ATP8B4: variants seen among roughly 807,000 people sequenced by gnomAD.
ATP8B4 encodes ATPase phospholipid transporting 8B4 (putative).
ATP8B4 carries 133 observed loss-of-function variants against 145.6 expected under a neutral mutation model. The ratio of observed to expected loss-of-function variants is 0.91; its 90% CI spans 0.79 to 1.05. The LOEUF (loss-of-function observed/expected upper bound fraction) is 1.05. Among genes scored for constraint, ATP8B4 ranks in the 50% least tolerant of loss-of-function variants. ATP8B4 has a pLI of 0.00. For synonymous variants in ATP8B4, 507 were observed against 492.9 expected (o/e 1.03, Z -0.38); for missense variants, 1,458 against 1,425.2 (o/e 1.02, Z -0.37).
intron 14 of ATP8B4, among the ~76,000 whole-genome samples, chr15:49,956,071 T>C (rs918971997): frequency 6.6e-5 from 10 of 152,146 alleles, no homozygotes; most frequent in Admixed American, 2.6e-4. Flanking sequence ...AAAGATTCAA[T>C]AGTAAATATG....
chr15:49,968,164 C>A (rs1045615234), intron 13 of ATP8B4, among the ~76,000 whole-genome samples: 3 of 152,172 alleles, frequency 2.0e-5, no homozygotes, highest in African/African-American at 7.2e-5. Context: ...CCAGCCACTG[C>A]AAAAACATAC....
chr15:50,130,484 A>C (rs1422294553), intron 1 of ATP8B4, among the ~76,000 whole-genome samples: 2 of 152,172 alleles, frequency 1.3e-5, no homozygotes, highest in Admixed American at 6.5e-5. Flanking sequence ...CATCTAAAAA[A>C]TAAGAGTCTT....
At chr15:50,180,544 G>A (rs1343449382) in intron 1 of ATP8B4, among the ~76,000 whole-genome samples, 1 of 152,208 alleles carries the variant, frequency 6.6e-6, no homozygotes, top group Non-Finnish European at 1.5e-5. Flanking sequence ...TGGGTAGACA[G>A]TAGCTGTTCA....
upstream of ATP8B4, among the ~76,000 whole-genome samples, chr15:50,123,944 A>G (rs1273040475): frequency 6.6e-6 from 1 of 152,130 alleles, no homozygotes; most frequent in Non-Finnish European, 1.5e-5. Context: ...AGATAATTCA[A>G]AGTTTTAGTA....
chr15:49,990,871 GT>G (rs570629931), intron 9 of ATP8B4, among the ~76,000 whole-genome samples: 8 of 152,136 alleles, frequency 5.3e-5, no homozygotes, highest in African/African-American at 1.2e-4. Flanking sequence ...CTAGCCAAGA[GT>G]TTTTTTAGCG....
chr15:49,968,753 T>A (rs1282439965), intron 13 of ATP8B4, among the ~76,000 whole-genome samples: 1 of 152,166 alleles, frequency 6.6e-6, no homozygotes, highest in Non-Finnish European at 1.5e-5. Flanking sequence ...GCACTTGAAC[T>A]CAACTCTGGA....
chr15:50,137,920 G>C (rs1273806455), intron 1 of ATP8B4, among the ~76,000 whole-genome samples: 1 of 152,108 alleles, frequency 6.6e-6, no homozygotes, highest in Admixed American at 6.5e-5. Context: ...TCTCTGCTCA[G>C]CTACTCCCTT....
intron 16 of ATP8B4, among the ~76,000 whole-genome samples, chr15:49,927,387 T>C (rs1338263746): frequency 6.6e-6 from 1 of 152,006 alleles, no homozygotes; most frequent in Non-Finnish European, 1.5e-5. Flanking sequence ...CATCAGGGTG[T>C]TGTTCCTACA....
At chr15:50,073,027 CACACACACA>C (rs2053949048) in intron 3 of ATP8B4, among the ~76,000 whole-genome samples, 1 of 89,670 alleles carries the variant, frequency 1.1e-5, no homozygotes, top group Admixed American at 1.1e-4. Flanking sequence ...TATACACACA[CACACACACA>C]CACACACACA....
intron 11 of ATP8B4, among the ~76,000 whole-genome samples, chr15:49,980,525 T>C (rs1474372586): frequency 2.0e-5 from 3 of 152,174 alleles, no homozygotes; most frequent in Admixed American, 1.3e-4. Context: ...AATATCTGAA[T>C]GTTTTTGGTA....
intron 2 of ATP8B4, among the ~76,000 whole-genome samples, chr15:50,082,192 T>A (rs1229554259): frequency 6.6e-6 from 1 of 152,006 alleles, no homozygotes; most frequent in Non-Finnish European, 1.5e-5. Context: ...GAACAATGAG[T>A]GGGGAGAGCT....
chr15:50,031,157 T>G (rs7165755), intron 6 of ATP8B4, among the ~76,000 whole-genome samples: 102,592 of 152,070 alleles, frequency 0.67, 35,205 homozygotes, highest in East Asian at 0.93. Context: ...GACCACTCTT[T>G]GTAGCTTGCT....
chr15:49,990,232 G>T (rs1441126403), intron 9 of ATP8B4, among the ~76,000 whole-genome samples: 1 of 152,268 alleles, frequency 6.6e-6, no homozygotes, highest in Non-Finnish European at 1.5e-5. Flanking sequence ...TGAGGGGAAA[G>T]CTCTCTTAGG....
intron 25 of ATP8B4, among the ~76,000 whole-genome samples, chr15:49,869,867 T>G (rs940424708): frequency 4.7e-5 from 7 of 150,472 alleles, no homozygotes; most frequent in African/African-American, 1.8e-4. Flanking sequence ...CATTTGGAAC[T>G]ACTATCTTTT....
chr15:50,045,318 T>A (rs541366449), intron 4 of ATP8B4, among the ~76,000 whole-genome samples: 20 of 152,194 alleles, frequency 1.3e-4, no homozygotes, highest in Non-Finnish European at 1.8e-4. Flanking sequence ...TAACAGGTCA[T>A]GCAACTGGGC....
intron 9 of ATP8B4, among the ~76,000 whole-genome samples, chr15:49,992,065 C>G (rs1469562035): frequency 2.0e-5 from 3 of 152,088 alleles, no homozygotes; most frequent in Non-Finnish European, 4.4e-5. Context: ...CTGGCTTCTC[C>G]ACTTAACAGC....
chr15:49,995,980 T>C (rs1318167484), intron 9 of ATP8B4, among the ~76,000 whole-genome samples: 1 of 152,110 alleles, frequency 6.6e-6, no homozygotes, highest in Non-Finnish European at 1.5e-5. Flanking sequence ...CAGATATCCT[T>C]AGAATGGACA....
intron 1 of ATP8B4, among the ~76,000 whole-genome samples, chr15:50,116,462 T>C (rs1006603364): frequency 6.6e-6 from 1 of 152,138 alleles, no homozygotes; most frequent in African/African-American, 2.4e-5. Context: ...AGTTTGAACA[T>C]GTGGGCTTAA....
chr15:49,916,874 AT>A, intron 20 of ATP8B4, 59 bp downstream of exon 20: 1 of 1,482,394 alleles, frequency 6.7e-7, no homozygotes, highest in Non-Finnish European at 9.4e-7. Flanking sequence ...CAACTCTCTG[AT>A]CTTTTTTCCC....
Sources: allele counts gnomAD v4.1 joint callset (sites outside exome capture counted in the v4.1 genomes callset), GRCh38; gene constraint gnomAD v4.1.1; transcripts MANE v1.5; gene names NCBI Gene and HGNC (gene_info 2026-07-23, HGNC 2026-07-21).